Variants in KLF12 observed in about 807,000 individuals in gnomAD.
KLF12 encodes Krueppel-like factor 12.
In KLF12, 9 loss-of-function variants were observed where a neutral mutation model predicts 37.8. The observed-to-expected ratio is 0.24, with a 90% confidence interval of 0.14 to 0.42. KLF12 has a LOEUF of 0.42. KLF12 is among the 10% of genes least tolerant of loss of function. The pLI is 1.00. For synonymous variants in KLF12, 208 were observed against 202.1 expected, an observed-to-expected ratio of 1.03 and a Z score of -0.25; for missense variants, 411 against 516.0, an observed-to-expected ratio of 0.80 and a Z score of 1.97.
intron 1 of KLF12, among the ~76,000 whole-genome samples, chr13:74,021,858 C>G (rs191736646): frequency 1.6e-4 from 25 of 152,244 alleles, no homozygotes; most frequent in African/African-American, 6.0e-4. Context: ...ATAGCAATGA[C>G]TATGAGTGCT....
At chr13:73,731,146 G>C (rs886092644) in intron 6 of KLF12, among the ~76,000 whole-genome samples, 17 of 152,218 alleles carry the variant, frequency 1.1e-4, no homozygotes, top group African/African-American at 3.6e-4. Context: ...AGAACAGTCA[G>C]TTCTTGGTAA....
At chr13:73,999,490 T>C (rs1380664759) in intron 1 of KLF12, among the ~76,000 whole-genome samples, 2 of 152,130 alleles carry the variant, frequency 1.3e-5, no homozygotes, top group Admixed American at 1.3e-4. Flanking sequence ...TCCTAGTACT[T>C]TGGGAGACCC....
At chr13:74,213,202 T>A in the KLF12 span, among the ~76,000 whole-genome samples, 3 of 152,002 alleles carry the variant, frequency 2.0e-5, no homozygotes, top group Non-Finnish European at 4.4e-5. Context: ...TAAAACATCT[T>A]TTTTTTTCAC....
intron 3 of KLF12, among the ~76,000 whole-genome samples, chr13:73,928,435 C>T (rs918114350): frequency 6.6e-6 from 1 of 152,110 alleles, no homozygotes; most frequent in African/African-American, 2.4e-5. Flanking sequence ...TAATAACACA[C>T]AAGTAAGTGC....
intron 5 of KLF12, among the ~76,000 whole-genome samples, chr13:73,775,958 T>C (rs1880583244): frequency 6.6e-6 from 1 of 152,260 alleles, no homozygotes; most frequent in African/African-American, 2.4e-5. Context: ...TAGAACAAAA[T>C]TTTACGTCGT....
chr13:74,222,529 A>G, the KLF12 span, among the ~76,000 whole-genome samples: 2 of 152,340 alleles, frequency 1.3e-5, no homozygotes, highest in East Asian at 3.9e-4. Context: ...TGTTATCTAC[A>G]GACCAACTTT....
intron 3 of KLF12, among the ~76,000 whole-genome samples, chr13:73,896,349 C>T (rs1887768250): frequency 6.6e-6 from 1 of 152,124 alleles, no homozygotes; most frequent in Non-Finnish European, 1.5e-5. Flanking sequence ...TGAAATTAAA[C>T]TGTCACACTG....
the KLF12 span, among the ~76,000 whole-genome samples, chr13:74,237,739 T>C: frequency 2.0e-5 from 3 of 152,194 alleles, no homozygotes; most frequent in African/African-American, 7.2e-5. Context: ...TTTGGCTCTC[T>C]GTTTGTCTGT....
chr13:73,761,822 G>A (rs1352046201), intron 6 of KLF12, among the ~76,000 whole-genome samples: 2 of 152,170 alleles, frequency 1.3e-5, no homozygotes, highest in Non-Finnish European at 2.9e-5. Context: ...AGTCACTGGA[G>A]AAAGGAAGGC....
At chr13:73,703,551 A>G (rs1874710139) in intron 7 of KLF12, among the ~76,000 whole-genome samples, 1 of 152,226 alleles carries the variant, frequency 6.6e-6, no homozygotes, top group South Asian at 2.1e-4. Context: ...ATGAAGACCA[A>G]GTGGGTTCCT....
chr13:74,051,744 G>C (rs548136038), intron 1 of KLF12, among the ~76,000 whole-genome samples: 1 of 152,082 alleles, frequency 6.6e-6, no homozygotes, highest in Non-Finnish European at 1.5e-5. Context: ...AAAGGAAAGG[G>C]AACTTGGAAT....
intron 6 of KLF12, among the ~76,000 whole-genome samples, chr13:73,742,258 C>CT (rs1555299654): frequency 7.9e-5 from 12 of 152,050 alleles, no homozygotes; most frequent in South Asian, 2.1e-4. Flanking sequence ...AGAACATACA[C>CT]TTTTTTTTAC....
At chr13:73,785,895 G>C (rs779904033) in intron 5 of KLF12, among the ~76,000 whole-genome samples, 4 of 152,138 alleles carry the variant, frequency 2.6e-5, no homozygotes, top group Non-Finnish European at 5.9e-5. Context: ...GCAGATAGCG[G>C]AAGGCAGCTC....
intron 3 of KLF12, among the ~76,000 whole-genome samples, chr13:73,854,325 C>G (rs1241551290): frequency 6.6e-6 from 1 of 152,152 alleles, no homozygotes. Flanking sequence ...TTATCATCCT[C>G]GAACAGATTA....
chr13:73,838,264 G>T (rs754377903), intron 4 of KLF12, among the ~76,000 whole-genome samples: 1 of 151,704 alleles, frequency 6.6e-6, no homozygotes, highest in African/African-American at 2.4e-5. Context: ...TCTATAGGCT[G>T]CTGAGAAAAG....
chr13:73,692,426 A>G lies in KLF12; in HGVS notation c.*3064T>C, dbSNP rs768803508. 10 of 152,652 alleles carry G rather than the reference A, an allele frequency of 6.6e-5. No homozygotes were observed. Among genetic ancestry groups the G allele is most frequent in the South Asian group, 6.2e-4 (3 of 4,836 alleles). 9.5% of individuals were successfully genotyped at this position (152,652 alleles called of 1,614,324 possible). A position where few individuals can be genotyped will look rare whatever the true frequency, so the allele number is the denominator to read the frequency against. ...TTAAGTAGTTAATGGCTCTATGTGT[A>G]TAAGTTCCCAACCATGCACATATCC... On this transcript the variant is annotated 3_prime_UTR_variant, in exon 8 of 8. Transcript: ENST00000377669.
chr13:73,989,252 G>A (rs114411728), intron 2 of KLF12, among the ~76,000 whole-genome samples: 1,775 of 152,298 alleles, frequency 0.012, 29 homozygotes, highest in African/African-American at 0.036. Context: ...AAGCACATCT[G>A]TCAAATACTG....
At chr13:73,895,477 T>C (rs565651431) in intron 3 of KLF12, among the ~76,000 whole-genome samples, 3 of 152,374 alleles carry the variant, frequency 2.0e-5, no homozygotes, top group East Asian at 1.9e-4. Flanking sequence ...TATGAAATTA[T>C]ATTTAAGACC....
chr13:74,101,914 T>G (rs749215569), intron 1 of KLF12, among the ~76,000 whole-genome samples: 34 of 152,056 alleles, frequency 2.2e-4, no homozygotes, highest in Non-Finnish European at 4.0e-4. Flanking sequence ...GCAGGGTAAC[T>G]CAATAAAGAA....
Sources: allele counts gnomAD v4.1 joint callset (sites outside exome capture counted in the v4.1 genomes callset), GRCh38; gene constraint gnomAD v4.1.1; transcripts MANE v1.5; gene names NCBI Gene and HGNC (gene_info 2026-07-23, HGNC 2026-07-21).